Variants in PPIP5K2 observed in about 807,000 individuals in gnomAD.
PPIP5K2 encodes diphosphoinositol pentakisphosphate kinase 2, also known as inositol hexakisphosphate and diphosphoinositol-pentakisphosphate kinase 2.
In PPIP5K2, 105 loss-of-function variants were observed where a neutral mutation model predicts 154.6. That is an observed-to-expected ratio of 0.68 (90% CI 0.58 to 0.80). PPIP5K2 has a LOEUF of 0.80. Among genes scored for constraint, PPIP5K2 ranks in the 30% least tolerant of loss-of-function variants. The probability of loss-of-function intolerance (pLI) is 0.00; values close to 1 mark genes in which losing one functional copy is unlikely to be tolerated. For synonymous variants in PPIP5K2, 480 were observed against 490.3 expected (o/e 0.98, Z 0.28); for missense variants, 992 against 1,504.6 (o/e 0.66, Z 5.64).
intron 14 of PPIP5K2, among the ~76,000 whole-genome samples, chr5:103,156,219 G>A (rs1554213370): frequency 6.6e-6 from 1 of 152,104 alleles, no homozygotes; most frequent in Non-Finnish European, 1.5e-5. Flanking sequence ...TCTGAAAACT[G>A]CATAGGAATT....
At chr5:103,192,759 T>A (rs1801439709) in intron 29 of PPIP5K2, among the ~76,000 whole-genome samples, 1 of 152,142 alleles carries the variant, frequency 6.6e-6, no homozygotes, top group African/African-American at 2.4e-5. Flanking sequence ...GGATATTAGA[T>A]TCTTTTTCCA....
chr5:103,171,890 G>A (rs17155106), intron 19 of PPIP5K2, among the ~76,000 whole-genome samples: 7,721 of 151,422 alleles, frequency 0.051, 501 homozygotes, highest in African/African-American at 0.16. Flanking sequence ...ATGCCAATAA[G>A]GCTATATATA....
intron 17 of PPIP5K2, among the ~76,000 whole-genome samples, 154 bp from the exon 18 acceptor site, chr5:103,167,025 C>A (rs1298953238): frequency 6.6e-6 from 1 of 151,804 alleles, no homozygotes; most frequent in South Asian, 2.1e-4. Context: ...GCAGTTCAAA[C>A]CTGTGGTGTT....
intron 4 of PPIP5K2, 61 bp downstream of exon 4, chr5:103,136,883 G>C: frequency 1.7e-6 from 2 of 1,164,242 alleles, no homozygotes; most frequent in Non-Finnish European, 2.6e-6. Context: ...AGTACCTACT[G>C]TACACTGACA....
Position 103,146,590 on chromosome 5 carries a change from T to C in PPIP5K2, c.551T>C (p.Phe184Ser), listed in dbSNP as rs781952567. The change falls in exon 6 of 31, where the codon TTT (phenylalanine) becomes TCT (serine). Residue 184 changes from phenylalanine (F) to serine (S), a missense_variant. Around this residue, in one of 9 missense-constraint regions of PPIP5K2, gnomAD observed 51 missense variants for 152.2 expected, o/e 0.33. Coordinates refer to ENST00000358359, the MANE Select transcript of PPIP5K2 (RefSeq NM_001276277.3). ...EVNGEVFQKP[F>S]VEKPVSAEDH... ...AATGGGGAAGTTTTTCAAAAGCCAT[T>C]TGTAGAAAAGCCAGTCAGTGCAGAA... 5.6e-6 allele frequency: 9 copies of C among 1,612,386 alleles called. No individual in the cohort carries two copies. Among genetic ancestry groups the C allele is most frequent in the Non-Finnish European group, 7.6e-6 (9 of 1,179,100 alleles).
At chr5:103,151,097 TA>T (rs1554211163) in intron 8 of PPIP5K2, among the ~76,000 whole-genome samples, 155 bp from the exon 9 acceptor site, 1 of 152,000 alleles carries the variant, frequency 6.6e-6, no homozygotes, top group African/African-American at 2.4e-5. Flanking sequence ...AAGTTATAAA[TA>T]AGTAATTTCT....
At chr5:103,143,970 C>G (rs1180099864) in intron 5 of PPIP5K2, among the ~76,000 whole-genome samples, 1 of 150,714 alleles carries the variant, frequency 6.6e-6, no homozygotes, top group African/African-American at 2.4e-5. Flanking sequence ...AAAGGGCATC[C>G]AAATTGAAAA....
At chr5:103,145,097 T>G (rs1562401978) in intron 5 of PPIP5K2, among the ~76,000 whole-genome samples, 3 of 151,866 alleles carry the variant, frequency 2.0e-5, no homozygotes, top group African/African-American at 4.8e-5. Flanking sequence ...GGGCAAAAGA[T>G]TTGAACAGAT....
chr5:103,152,827 A>G, intron 10 of PPIP5K2, 78 bp downstream of exon 10: 1 of 941,702 alleles, frequency 1.1e-6, no homozygotes. Flanking sequence ...TAAATTTCTG[A>G]ATGATGATTA....
At position 103,176,841 on chromosome 5, in the gene PPIP5K2, A is replaced by T. The variant is rs782819553; in HGVS notation, c.2530-826A>T. 1.4e-5 allele frequency: 18 copies of T among 1,309,834 alleles called. No individual in the cohort carries two copies. In the South Asian group the frequency reaches 2.3e-4, roughly 17 times the overall value. The allele number at this position is 1,309,834 out of a possible 1,614,324, so 81.1% of individuals were successfully genotyped here. On this transcript the variant is annotated intron_variant, in intron 21 of 30. Transcript: ENST00000358359. ...TTCTCTAAGATCCTTTTCAGTTCTGATGCTCTATGATTACATGTTTAAAGA... is the reference window on the plus strand; with the variant it reads ...TTCTCTAAGATCCTTTTCAGTTCTGTTGCTCTATGATTACATGTTTAAAGA...
intron 8 of PPIP5K2, among the ~76,000 whole-genome samples, chr5:103,149,888 G>T (rs1554210724): frequency 6.6e-6 from 1 of 151,590 alleles, no homozygotes; most frequent in African/African-American, 2.4e-5. Context: ...GTAGAGAGGG[G>T]GTTTCTCCAC....
chr5:103,158,668 T>A, intron 16 of PPIP5K2, 95 bp downstream of exon 16: 1 of 1,046,866 alleles, frequency 9.6e-7, no homozygotes, highest in Non-Finnish European at 1.3e-6. Context: ...ACACCTGTAA[T>A]CCTAGCACTT....
At chr5:103,176,668 T>A (rs1181727306) in intron 21 of PPIP5K2, among the ~76,000 whole-genome samples, 1 of 152,024 alleles carries the variant, frequency 6.6e-6, no homozygotes, top group Non-Finnish European at 1.5e-5. Context: ...ATATTTGTAA[T>A]GTAATTACAT....
At chr5:103,122,481 G>C (rs1422340932) in intron 1 of PPIP5K2, among the ~76,000 whole-genome samples, 2 of 152,192 alleles carry the variant, frequency 1.3e-5, no homozygotes, top group Non-Finnish European at 2.9e-5. Context: ...ATGAACGTTT[G>C]AAGAAGGAAA....
chr5:103,196,562 T>A (rs1386500786), intron 30 of PPIP5K2, among the ~76,000 whole-genome samples: 1 of 152,150 alleles, frequency 6.6e-6, no homozygotes, highest in Non-Finnish European at 1.5e-5. Flanking sequence ...CATTCTTATG[T>A]CCATTACAGA....
chr5:103,150,535 G>T (rs942941779), intron 8 of PPIP5K2, among the ~76,000 whole-genome samples: 2 of 152,194 alleles, frequency 1.3e-5, no homozygotes, highest in African/African-American at 4.8e-5. Context: ...CACTTTGGGG[G>T]TGCTGAGGTA....
rs1318229174 is a variant in PPIP5K2, at chr5:103,120,322, A to G, written c.-451A>G. On this transcript the variant is annotated 5_prime_UTR_variant, in exon 1 of 31. It removes an upstream start codon present in the reference 5' UTR. Coordinates refer to ENST00000358359, the MANE Select transcript of PPIP5K2 (RefSeq NM_001276277.3). ...AGGTGTAGTAGCCTGAGGTTCCCTT[A>G]TGTGGCCCTATAGCTGTTACTGAAG... 7.0e-6 allele frequency: 3 copies of G among 430,092 alleles called. No individual in the cohort carries two copies. Among genetic ancestry groups the G allele is most frequent in the Admixed American group, 4.9e-5 (2 of 40,702 alleles). The allele number at this position is 430,092 out of a possible 1,614,324, so 26.6% of individuals were successfully genotyped here.
intron 28 of PPIP5K2, 51 bp from the exon 29 acceptor site, chr5:103,190,791 T>G (rs1242902219): frequency 6.7e-7 from 1 of 1,496,374 alleles, no homozygotes; most frequent in Non-Finnish European, 9.0e-7. Flanking sequence ...AATTACTGAT[T>G]TTTAAAATAT....
chr5:103,144,576 T>C (rs1298079993), intron 5 of PPIP5K2, among the ~76,000 whole-genome samples: 1 of 152,032 alleles, frequency 6.6e-6, no homozygotes, highest in African/African-American at 2.4e-5. Context: ...CATCAAAATA[T>C]AGACCAATGG....
Sources: gnomAD v4.1 joint callset for allele counts (sites outside exome capture counted in the v4.1 genomes callset) on GRCh38, gnomAD v4.1.1 for gene constraint, gnomAD v4.1.1 regional missense constraint, MANE v1.5 for transcripts, NCBI Gene and HGNC (gene_info 2026-07-23, HGNC 2026-07-21) for gene names.